The following PTTG1IP variants were observed in gnomAD, a reference collection of about 807,000 sequenced individuals.
The protein encoded by PTTG1IP is pituitary tumor-transforming gene 1 protein-interacting protein.
A neutral mutation model predicts 24.4 loss-of-function variants in PTTG1IP; 16 were observed. The ratio of observed to expected loss-of-function variants is 0.66; its 90% CI spans 0.44 to 1.00. The LOEUF is 1.00. Ranked by LOEUF, PTTG1IP falls within the 50% of genes least tolerant of loss-of-function variation. The pLI is 0.00. For synonymous variants in PTTG1IP, 89 were observed against 96.8 expected (o/e 0.92, Z 0.47); for missense variants, 241 against 245.8 (o/e 0.98, Z 0.13).
At chr21:44,870,087 A>T (rs73239703) in intron 1 of PTTG1IP, among the ~76,000 whole-genome samples, 10,270 of 152,240 alleles carry the variant, frequency 0.067, 323 homozygotes, top group East Asian at 0.084. Flanking sequence ...AGAGGGAGAG[A>T]AAAACCGCCC....
At chr21:44,853,499 C>G (rs911437684) in intron 5 of PTTG1IP, among the ~76,000 whole-genome samples, 1 of 136,730 alleles carries the variant, frequency 7.3e-6, no homozygotes, top group Non-Finnish European at 1.5e-5. Flanking sequence ...CAAGGTGAGA[C>G]TCCGTCTCAA....
rs746798471 is a variant in PTTG1IP, at chr21:44,856,370, G to C, written c.278-6C>G. 2.5e-6 allele frequency: 4 copies of C among 1,607,264 alleles called. No homozygotes were observed. Among genetic ancestry groups the C allele is most frequent in the East Asian group, 4.5e-5 (2 of 44,802 alleles). On this transcript the variant is annotated splice_polypyrimidine_tract_variant and splice_region_variant and intron_variant, in intron 3 of 5. Transcript: ENST00000330938. ...GATCAGCGCCTCAAAGTTCACTGGA[G>C]ATTCAAGCACCTGGAGTTAGGGCCG...
chr21:44,852,722 C>G (rs1028768763), intron 5 of PTTG1IP, among the ~76,000 whole-genome samples: 1 of 151,992 alleles, frequency 6.6e-6, no homozygotes, highest in Admixed American at 6.6e-5. Context: ...AGCAAGGAGG[C>G]TGGTTAAGTT....
chr21:44,851,722 C>A, intron 5 of PTTG1IP, 95 bp from the exon 6 acceptor site: 1 of 1,441,154 alleles, frequency 6.9e-7, no homozygotes, highest in South Asian at 1.4e-5. Context: ...AGAAGATTTA[C>A]TGAGGCTATA....
chr21:44,859,031 C>T (rs768265569), intron 3 of PTTG1IP, among the ~76,000 whole-genome samples: 5 of 152,242 alleles, frequency 3.3e-5, no homozygotes, highest in Admixed American at 1.3e-4. Context: ...CAGACGTGAG[C>T]GCCTGTGCCG....
At chr21:44,861,902 T>A in intron 2 of PTTG1IP, 1 of 713,752 alleles carries the variant, frequency 1.4e-6, no homozygotes, top group Non-Finnish European at 2.6e-6. Flanking sequence ...GCAAGGACCA[T>A]GCTTCCTACC....
chr21:44,872,396 T>A (rs1002694082), intron 1 of PTTG1IP, among the ~76,000 whole-genome samples: 7 of 152,322 alleles, frequency 4.6e-5, no homozygotes, highest in Non-Finnish European at 1.0e-4. Context: ...AAACAGACAC[T>A]GACAGAGCCT....
chr21:44,856,762 T>C (rs2838710), intron 3 of PTTG1IP, among the ~76,000 whole-genome samples: 11,053 of 152,196 alleles, frequency 0.073, 1,355 homozygotes, highest in African/African-American at 0.25. Flanking sequence ...CTCACAGAAA[T>C]GGAGGTTAAG....
intron 1 of PTTG1IP, among the ~76,000 whole-genome samples, chr21:44,868,550 G>A (rs140285242): frequency 3.3e-5 from 5 of 152,248 alleles, no homozygotes; most frequent in African/African-American, 4.8e-5. Flanking sequence ...AGACATGAAC[G>A]AATGGCAAGA....
At chr21:44,864,154 G>T (rs1855402097) in intron 2 of PTTG1IP, among the ~76,000 whole-genome samples, 1 of 152,230 alleles carries the variant, frequency 6.6e-6, no homozygotes, top group African/African-American at 2.4e-5. Flanking sequence ...GCAAGGGGTG[G>T]GCGAGATCAG....
chr21:44,870,317 G>C (rs949430499), intron 1 of PTTG1IP, among the ~76,000 whole-genome samples: 18 of 152,190 alleles, frequency 1.2e-4, no homozygotes, highest in Non-Finnish European at 2.6e-4. Context: ...GAGGTGGGCA[G>C]ATCACCTGAG....
intron 3 of PTTG1IP, among the ~76,000 whole-genome samples, chr21:44,856,676 G>C (rs901408335): frequency 6.6e-6 from 1 of 152,172 alleles, no homozygotes; most frequent in Non-Finnish European, 1.5e-5. Context: ...AGTTTGAAAA[G>C]GTATTTCAAG....
intron 4 of PTTG1IP, among the ~76,000 whole-genome samples, 157 bp downstream of exon 4, chr21:44,856,036 C>T (rs1255543277): frequency 6.6e-6 from 1 of 152,212 alleles, no homozygotes; most frequent in African/African-American, 2.4e-5. Flanking sequence ...CAGTCTCTCG[C>T]TCTCTACCAC....
intron 5 of PTTG1IP, among the ~76,000 whole-genome samples, chr21:44,854,342 C>T (rs879019521): frequency 6.6e-6 from 1 of 152,208 alleles, no homozygotes; most frequent in South Asian, 2.1e-4. Context: ...AGGAAAGCAC[C>T]GTGGGCGCAG....
intron 3 of PTTG1IP, 81 bp from the exon 4 acceptor site, chr21:44,856,445 G>C (rs976691486): frequency 1.2e-5 from 17 of 1,449,282 alleles, no homozygotes; most frequent in Non-Finnish European, 1.6e-5. Context: ...CGCCCCTGGG[G>C]AACAACCTCA....
intron 1 of PTTG1IP, among the ~76,000 whole-genome samples, chr21:44,871,142 C>G (rs2083581439): frequency 6.6e-6 from 1 of 152,248 alleles, no homozygotes; most frequent in Admixed American, 6.5e-5. Context: ...GGAAACTCCA[C>G]TATTTCAAAA....
In PTTG1IP at chr21:44,851,313, G is replaced by A; in HGVS notation, c.*268C>T. The stretch of plus-strand genomic sequence containing the variant: ...GTGCAGTTAGCGTTTCACAAACTGA[G>A]AAGAGTATAAAAAAGCCCAAACCCC... On this transcript the variant is annotated 3_prime_UTR_variant, in exon 6 of 6. Coordinates refer to ENST00000330938, the MANE Select transcript of PTTG1IP (RefSeq NM_004339.4). The A allele has an allele frequency of 6.8e-7, 1 of 1,474,030 alleles. No individual in the cohort carries two copies. Among genetic ancestry groups the A allele is most frequent in the East Asian group, 2.5e-5 (1 of 39,944 alleles). 91.3% of individuals were successfully genotyped at this position (1,474,030 alleles called of 1,614,324 possible).
intron 2 of PTTG1IP, among the ~76,000 whole-genome samples, chr21:44,862,142 G>C (rs1159924312): frequency 6.6e-6 from 1 of 152,236 alleles, no homozygotes; most frequent in Non-Finnish European, 1.5e-5. Context: ...ACACAACGAG[G>C]CCCGAAAGCG....
intron 2 of PTTG1IP, among the ~76,000 whole-genome samples, chr21:44,864,653 T>C (rs2083521019): frequency 6.6e-6 from 1 of 152,174 alleles, no homozygotes; most frequent in Non-Finnish European, 1.5e-5. Flanking sequence ...TGCCTCGGCC[T>C]CCCAAAGTGC....
Sources: allele counts gnomAD v4.1 joint callset (sites outside exome capture counted in the v4.1 genomes callset), GRCh38; gene constraint gnomAD v4.1.1; transcripts MANE v1.5; gene names NCBI Gene and HGNC (gene_info 2026-07-23, HGNC 2026-07-21).